RAB38: variants seen among roughly 807,000 people sequenced by gnomAD.
RAB38 encodes ras-related protein Rab-38.
RAB38 carries 15 observed loss-of-function variants against 18.4 expected under a neutral mutation model. The observed-to-expected ratio is 0.82, with a 90% CI of 0.55 to 1.26. The LOEUF (loss-of-function observed/expected upper bound fraction) is 1.26, where lower values mean the gene tolerates loss of function less well. RAB38 is among the 50% of genes most tolerant of loss of function. The pLI is 0.00. For missense variants in RAB38, 294 were observed against 267.4 expected (o/e 1.10, Z -0.69); for synonymous variants, 101 against 104.4 (o/e 0.97, Z 0.20).
At chr11:88,096,392 A>C in the RAB38 span, among the ~76,000 whole-genome samples, 1 of 151,864 alleles carries the variant, frequency 6.6e-6, no homozygotes, top group Non-Finnish European at 1.5e-5. Context: ...TCATCTCCAC[A>C]TAGAAGATTC....
the RAB38 span, among the ~76,000 whole-genome samples, chr11:87,891,141 G>A: frequency 2.6e-5 from 4 of 151,772 alleles, no homozygotes; most frequent in East Asian, 2.0e-4. Flanking sequence ...ACAGGAATGC[G>A]AAGAGTATTA....
chr11:87,953,070 T>G, the RAB38 span, among the ~76,000 whole-genome samples: 1 of 145,370 alleles, frequency 6.9e-6, no homozygotes, highest in Non-Finnish European at 1.5e-5. Context: ...TCATTATTTA[T>G]TTACACAGAC....
chr11:88,031,983 T>C, the RAB38 span, among the ~76,000 whole-genome samples: 2 of 150,504 alleles, frequency 1.3e-5, no homozygotes, highest in Non-Finnish European at 3.0e-5. Context: ...CAAACTATAC[T>C]ACAAGGCTAC....
the RAB38 span, among the ~76,000 whole-genome samples, chr11:87,948,953 C>T: frequency 1.3e-5 from 2 of 152,186 alleles, no homozygotes; most frequent in South Asian, 2.1e-4. Flanking sequence ...GGAATAGTCT[C>T]AGAAGGAATG....
chr11:88,070,797 T>G, the RAB38 span, among the ~76,000 whole-genome samples: 1 of 152,158 alleles, frequency 6.6e-6, no homozygotes, highest in East Asian at 1.9e-4. Flanking sequence ...CTTATTTGGA[T>G]CCCATCAGAT....
the RAB38 span, among the ~76,000 whole-genome samples, chr11:87,934,948 T>A: frequency 1.5e-4 from 23 of 152,012 alleles, no homozygotes; most frequent in African/African-American, 5.3e-4. Flanking sequence ...TGTAGAAGCT[T>A]GAGGAAGAGA....
chr11:87,951,139 T>C, the RAB38 span, among the ~76,000 whole-genome samples: 1 of 152,212 alleles, frequency 6.6e-6, no homozygotes, highest in Non-Finnish European at 1.5e-5. Context: ...ATTCATTTCA[T>C]CTTCCATCAC....
intron 2 of RAB38, among the ~76,000 whole-genome samples, chr11:88,130,321 C>T (rs551598939): frequency 7.9e-4 from 120 of 152,088 alleles, no homozygotes; most frequent in African/African-American, 2.6e-3. Context: ...GGGAAGTGAA[C>T]GCAGAACAGA....
At chr11:88,069,487 C>T in the RAB38 span, among the ~76,000 whole-genome samples, 5 of 152,234 alleles carry the variant, frequency 3.3e-5, no homozygotes, top group Non-Finnish European at 7.3e-5. Flanking sequence ...GCGGGATCCA[C>T]TAGGTGAAGC....
At chr11:88,070,173 A>G in the RAB38 span, among the ~76,000 whole-genome samples, 139 of 152,310 alleles carry the variant, frequency 9.1e-4, no homozygotes, top group African/African-American at 3.3e-3. Flanking sequence ...GAAGGTCTGC[A>G]GCTTCACTCC....
chr11:87,834,472 A>G, the RAB38 span, among the ~76,000 whole-genome samples: 2 of 152,246 alleles, frequency 1.3e-5, no homozygotes, highest in Admixed American at 6.5e-5. Context: ...TGTATTAGCC[A>G]TAGAAAACTA....
the RAB38 span, among the ~76,000 whole-genome samples, chr11:87,977,757 ATAT>A: frequency 3.6e-4 from 22 of 60,870 alleles, no homozygotes; most frequent in African/African-American, 1.1e-3. Context: ...TAATATATAT[ATAT>A]TATATTATAG....
chr11:87,953,856 T>G, the RAB38 span, among the ~76,000 whole-genome samples: 6 of 133,688 alleles, frequency 4.5e-5, no homozygotes, highest in South Asian at 4.5e-4. Flanking sequence ...TGTTTTAGTG[T>G]TTTTTTTTTT....
At chr11:88,005,911 G>A in the RAB38 span, among the ~76,000 whole-genome samples, 24 of 151,584 alleles carry the variant, frequency 1.6e-4, no homozygotes, top group African/African-American at 5.8e-4. Context: ...GTTGTCTATA[G>A]ATGCTTGGGT....
the RAB38 span, among the ~76,000 whole-genome samples, chr11:87,905,727 G>A: frequency 6.6e-6 from 1 of 151,912 alleles, no homozygotes; most frequent in African/African-American, 2.4e-5. Context: ...GGTATCCTTT[G>A]CCCAGCATTT....
the RAB38 span, among the ~76,000 whole-genome samples, chr11:87,859,119 A>G: frequency 6.6e-6 from 1 of 152,022 alleles, no homozygotes; most frequent in African/African-American, 2.4e-5. Context: ...ATACCTCACA[A>G]TATACACTTG....
chr11:87,850,467 CGTGT>C, the RAB38 span, among the ~76,000 whole-genome samples: 813 of 151,120 alleles, frequency 5.4e-3, 6 homozygotes, highest in African/African-American at 0.019. Flanking sequence ...AAGCAGAGAG[CGTGT>C]GTGTGTGTGT....
the RAB38 span, among the ~76,000 whole-genome samples, chr11:87,907,363 A>C: frequency 6.6e-6 from 1 of 151,908 alleles, no homozygotes. Context: ...TATTCTAAAT[A>C]TTTGCCCCTT....
the RAB38 span, among the ~76,000 whole-genome samples, chr11:87,945,027 C>G: frequency 1.3e-5 from 2 of 152,190 alleles, no homozygotes; most frequent in Non-Finnish European, 2.9e-5. Flanking sequence ...TCTGAACTAG[C>G]TAGACAAATG....
Sources: gnomAD v4.1 joint callset for allele counts (sites outside exome capture counted in the v4.1 genomes callset) on GRCh38, gnomAD v4.1.1 for gene constraint, MANE v1.5 for transcripts, NCBI Gene and HGNC (gene_info 2026-07-23, HGNC 2026-07-21) for gene names.